BIN1: variants seen among roughly 807,000 people sequenced by gnomAD.
BIN1 encodes the protein myc box-dependent-interacting protein 1.
Under a neutral mutation model 82.0 loss-of-function variants are expected in BIN1, and 53 were observed. That is an observed-to-expected ratio of 0.65 (90% confidence interval 0.52 to 0.81). The LOEUF (loss-of-function observed/expected upper bound fraction) is 0.81, where lower values mean the gene tolerates loss of function less well. Ranked by LOEUF, BIN1 falls within the 40% of genes least tolerant of loss-of-function variation. BIN1 has a pLI of 0.00. For missense variants in BIN1, 642 were observed against 784.4 expected (o/e 0.82, Z 2.17); for synonymous variants, 302 against 328.0 (o/e 0.92, Z 0.86).
intron 2 of BIN1, 65 bp from the exon 3 acceptor site, chr2:127,070,881 T>C: frequency 1.3e-6 from 2 of 1,507,100 alleles, no homozygotes; most frequent in Non-Finnish European, 1.8e-6. Flanking sequence ...GACCCTCTCC[T>C]TCCTGCCACC....
intron 1 of BIN1, among the ~76,000 whole-genome samples, chr2:127,105,411 C>A (rs79954335): frequency 2.0e-5 from 3 of 152,056 alleles, no homozygotes; most frequent in South Asian, 2.1e-4. Flanking sequence ...GCCACCCCCC[C>A]ACCCCACAAC....
intron 2 of BIN1, among the ~76,000 whole-genome samples, chr2:127,074,859 C>T (rs917708159): frequency 6.6e-6 from 1 of 152,192 alleles, no homozygotes; most frequent in Non-Finnish European, 1.5e-5. Context: ...CACACCACCA[C>T]GCCTGGCTAA....
At chr2:127,060,478 A>G in intron 10 of BIN1, 1 of 1,467,724 alleles carries the variant, frequency 6.8e-7, no homozygotes, top group Non-Finnish European at 9.5e-7. Flanking sequence ...GCCGGGCAGC[A>G]CTGCACACAG....
intron 1 of BIN1, among the ~76,000 whole-genome samples, chr2:127,081,420 G>A (rs901173470): frequency 2.0e-5 from 3 of 152,184 alleles, no homozygotes; most frequent in Non-Finnish European, 2.9e-5. Flanking sequence ...GGGCTCACCC[G>A]GCTGGGCCCC....
chr2:127,091,658 G>A (rs2105278419), intron 1 of BIN1, among the ~76,000 whole-genome samples: 1 of 152,276 alleles, frequency 6.6e-6, no homozygotes, highest in East Asian at 1.9e-4. Flanking sequence ...GGAGGCCAAG[G>A]TGGGAGGATT....
Position 127,107,020 on chromosome 2 carries a change from G to A in BIN1, c.-77C>T. 1 of 1,413,540 alleles carries A rather than the reference G, an allele frequency of 7.1e-7. No homozygotes were observed. The highest frequency in any genetic ancestry group is 9.3e-7 in the Non-Finnish European group (1 of 1,079,992). 87.6% of individuals were successfully genotyped at this position (1,413,540 alleles called of 1,614,324 possible). ...TTGCGCGCCGCGCTCCCAGCCCCCA[G>A]CCCCGGCCGCGCGTCCAGACCGGCT... On this transcript the variant is annotated 5_prime_UTR_variant, in exon 1 of 19. Coordinates refer to ENST00000316724, the MANE Select transcript of BIN1 (RefSeq NM_139343.3). The surrounding 1 kb of genome is among the most constrained non-coding windows in gnomAD (Gnocchi z 5.9).
rs537592617 is a variant in BIN1, at chr2:127,050,243, G to T, written c.1674+178C>A. 1.5e-5 allele frequency: 10 copies of T among 668,140 alleles called. No individual in the cohort carries two copies. In the Admixed American group the frequency reaches 1.5e-4, roughly 10 times the overall value. 41.4% of individuals were successfully genotyped at this position (668,140 alleles called of 1,614,324 possible). ...AGGAGAGGGGCCAAGGGAAGGGAGA[G>T]GAGAGGGAGAGAGGAAAAAGCCCGA... On this transcript the variant is annotated intron_variant, in intron 18 of 18. Coordinates refer to ENST00000316724, the MANE Select transcript of BIN1 (RefSeq NM_139343.3).
At chr2:127,064,311 C>A (rs1307159987) in intron 7 of BIN1, among the ~76,000 whole-genome samples, 1 of 152,228 alleles carries the variant, frequency 6.6e-6, no homozygotes, top group African/African-American at 2.4e-5. Flanking sequence ...GAGGGGCAAG[C>A]CTGGGGCTTG....
chr2:127,063,429 G>C, intron 9 of BIN1, 142 bp downstream of exon 9: 1 of 912,522 alleles, frequency 1.1e-6, no homozygotes, highest in Non-Finnish European at 1.7e-6. Context: ...CTGTTCCACA[G>C]GGCCGGGAGG....
At position 127,059,261 on chromosome 2, in the gene BIN1, G is replaced by C; in HGVS notation, c.858-106C>G. The C allele has an allele frequency of 7.4e-7, 1 of 1,352,546 alleles. No homozygotes were observed. The allele number at this position is 1,352,546 out of a possible 1,614,324, so 83.8% of individuals were successfully genotyped here. A position where few individuals can be genotyped will look rare whatever the true frequency, so the allele number is the denominator to read the frequency against. Reference sequence around the variant, plus strand: ...GTGTGAAGAGGTGTGTGCATATGGAGGTGTGAAACTGTGTGTGTGTGTGTG... The same window carrying C: ...GTGTGAAGAGGTGTGTGCATATGGACGTGTGAAACTGTGTGTGTGTGTGTG... On this transcript the variant is annotated intron_variant, in intron 10 of 18. Transcript: ENST00000316724. This position sits in a 1 kb window ranked among gnomAD's most constrained non-coding sequence, Gnocchi z 6.7.
intron 18 of BIN1, among the ~76,000 whole-genome samples, chr2:127,049,873 G>C (rs1682654798): frequency 6.6e-6 from 1 of 152,240 alleles, no homozygotes; most frequent in South Asian, 2.1e-4. Flanking sequence ...GGAGGAGAAG[G>C]GTCTGGAAGG....
intron 1 of BIN1, 103 bp downstream of exon 1, chr2:127,106,757 C>T: frequency 7.1e-7 from 1 of 1,414,012 alleles, no homozygotes; most frequent in Admixed American, 2.1e-5. Flanking sequence ...AGCACCAGAT[C>T]CTGGCGAAGG....
chr2:127,105,501 CCTT>C (rs1680966875), intron 1 of BIN1, among the ~76,000 whole-genome samples: 1 of 150,640 alleles, frequency 6.6e-6, no homozygotes, highest in Non-Finnish European at 1.5e-5. Context: ...TCCTCCTCCT[CCTT>C]CCCTGGGGTG....
Position 127,050,879 on chromosome 2 carries a change from G to C in BIN1, c.1495C>G (p.Pro499Ala), listed in dbSNP as rs995090564. 6.2e-7 allele frequency: 1 copy of C among 1,613,970 alleles called. No individual in the cohort carries two copies. The highest frequency in any genetic ancestry group is 8.5e-7 in the Non-Finnish European group (1 of 1,180,024). The change falls in exon 17 of 19, where the codon CCA (proline) becomes GCA (alanine). Residue 499 changes from proline to alanine, a missense_variant. By Grantham distance (27) the Pro-to-Ala change is conservative (BLOSUM62 -1). Coordinates refer to ENST00000316724, the MANE Select transcript of BIN1 (RefSeq NM_139343.3). ...SLPAVVVETF[P>A]ATVNGTVEGG... ...TCCACGGTGCCATTCACAGTTGCTG[G>C]GAAGGTCTCCACCACGACAGCAGGA...
At chr2:127,053,702 A>AC in intron 13 of BIN1, 2 of 698,724 alleles carry the variant, frequency 2.9e-6, no homozygotes, top group Non-Finnish European at 5.1e-6. Flanking sequence ...GTGTTCAGTA[A>AC]CCCCCTACTG....
At chr2:127,088,738 C>T (rs116392892) in intron 1 of BIN1, among the ~76,000 whole-genome samples, 12 of 144,918 alleles carry the variant, frequency 8.3e-5, no homozygotes, top group Non-Finnish European at 1.5e-4. Context: ...GACCGTATCT[C>T]TTAAAAAAAA....
At chr2:127,089,885 G>A (rs1678689956) in intron 1 of BIN1, among the ~76,000 whole-genome samples, 1 of 152,106 alleles carries the variant, frequency 6.6e-6, no homozygotes, top group South Asian at 2.1e-4. Flanking sequence ...ATGTAGGTAA[G>A]AGGGCCCAGC....
Position 127,060,555 on chromosome 2 carries a change from C to A in BIN1, c.858-1400G>T, listed in dbSNP as rs762355459. The A allele has an allele frequency of 2.5e-6, 4 of 1,613,328 alleles. No individual in the cohort carries two copies. In the South Asian group the frequency reaches 4.4e-5, roughly 18 times the overall value. On this transcript the variant is annotated intron_variant, in intron 10 of 18. Coordinates refer to ENST00000316724, the MANE Select transcript of BIN1 (RefSeq NM_139343.3). ...GGCGCATGCACAGGGCCAGCCAGGG[C>A]GCGGGCCTCTGCGCCCCTCCGCAGC...
At chr2:127,106,226 C>T (rs1681101480) in intron 1 of BIN1, among the ~76,000 whole-genome samples, 1 of 152,140 alleles carries the variant, frequency 6.6e-6, no homozygotes, top group Non-Finnish European at 1.5e-5. Context: ...TTGCGGGGTG[C>T]GTAGCCCTGG....
Sources: gnomAD v4.1 joint callset for allele counts (sites outside exome capture counted in the v4.1 genomes callset) on GRCh38, gnomAD v4.1.1 for gene constraint, Gnocchi (gnomAD v3.1) non-coding constraint, MANE v1.5 for transcripts, NCBI Gene and HGNC (gene_info 2026-07-23, HGNC 2026-07-21) for gene names.